The following TMEM132B variants were observed in gnomAD, a reference collection of about 807,000 sequenced individuals.
The protein encoded by TMEM132B is transmembrane protein 132B.
In TMEM132B, 18 loss-of-function variants were observed where a neutral mutation model predicts 90.8. The observed-to-expected ratio is 0.20, with a 90% CI of 0.14 to 0.29. The LOEUF is 0.29. Ranked by LOEUF, TMEM132B falls within the 10% of genes least tolerant of loss-of-function variation. TMEM132B has a pLI of 1.00. For synonymous variants in TMEM132B, 504 were observed against 523.3 expected (o/e 0.96, Z 0.50); for missense variants, 1,096 against 1,326.8 (o/e 0.83, Z 2.70).
chr12:125,613,196 T>TTA lies in TMEM132B; in HGVS notation c.1437+29212_1437+29213dup, dbSNP rs1026889018. Among the ~76,000 whole-genome samples the TTA allele has an allele frequency of 1.3e-4, 16 of 126,940 alleles. 1 individual carries two copies. The highest frequency in any genetic ancestry group is 4.6e-4 in the African/African-American group (15 of 32,894). The allele number at this position is 126,940 out of a possible 152,430, so 83.3% of individuals were successfully genotyped here. A position where few individuals can be genotyped will look rare whatever the true frequency, so the allele number is the denominator to read the frequency against. On this transcript the variant is annotated intron_variant, in intron 5 of 8. Coordinates refer to ENST00000682704, the MANE Select transcript of TMEM132B (RefSeq NM_001366854.1). ...ATATATAAATATATATCATATATAT[T>TTA]TATATATATATTATACACCCACTAT...
intron 3 of TMEM132B, among the ~76,000 whole-genome samples, chr12:125,454,221 G>A (rs1881228156): frequency 6.6e-6 from 1 of 152,138 alleles, no homozygotes; most frequent in South Asian, 2.1e-4. Context: ...CCTGGCTTCA[G>A]TCTGGCATCT....
chr12:125,318,029 G>A (rs1239361919), intron 1 of TMEM132B, among the ~76,000 whole-genome samples: 1 of 152,166 alleles, frequency 6.6e-6, no homozygotes, highest in African/African-American at 2.4e-5. Context: ...AAGTGAGTGG[G>A]TTACGGCGAT....
intron 5 of TMEM132B, among the ~76,000 whole-genome samples, chr12:125,621,323 C>T (rs918722678): frequency 6.6e-6 from 1 of 151,934 alleles, no homozygotes; most frequent in Non-Finnish European, 1.5e-5. Flanking sequence ...GCATTTCAGA[C>T]AGAGAAGAAC....
chr12:125,557,748 A>G (rs1884427023), intron 4 of TMEM132B, among the ~76,000 whole-genome samples: 1 of 152,200 alleles, frequency 6.6e-6, no homozygotes. Context: ...GAGACTGATT[A>G]GTGGTGTCAA....
At chr12:125,264,179 T>C (rs887057785) in intron 1 of TMEM132B, among the ~76,000 whole-genome samples, 4 of 152,206 alleles carry the variant, frequency 2.6e-5, no homozygotes, top group Non-Finnish European at 5.9e-5. Context: ...GCATTCAACC[T>C]GTCTCCATCG....
intron 1 of TMEM132B, among the ~76,000 whole-genome samples, chr12:125,291,339 A>G (rs1015764460): frequency 7.2e-5 from 11 of 152,208 alleles, no homozygotes; most frequent in African/African-American, 2.7e-4. Flanking sequence ...ACTTTGTTAT[A>G]GCAACCTGAA....
chr12:125,239,821 A>G (rs1181178463), intron 1 of TMEM132B, among the ~76,000 whole-genome samples: 1 of 152,300 alleles, frequency 6.6e-6, no homozygotes, highest in African/African-American at 2.4e-5. Context: ...GTTGGGGGGA[A>G]GTGGAGAGCA....
intron 1 of TMEM132B, among the ~76,000 whole-genome samples, chr12:125,221,892 C>CAA (rs1873567225): frequency 6.6e-6 from 1 of 152,144 alleles, no homozygotes; most frequent in African/African-American, 2.4e-5. Flanking sequence ...TATTTGTGGG[C>CAA]TGGAGCCCAA....
chr12:125,593,145 A>G (rs1885358819), intron 5 of TMEM132B, among the ~76,000 whole-genome samples: 2 of 152,220 alleles, frequency 1.3e-5, no homozygotes, highest in African/African-American at 4.8e-5. Flanking sequence ...GTTGTCAGGC[A>G]GTTTGGATGT....
chr12:125,237,623 A>AT (rs1448876382), intron 1 of TMEM132B, among the ~76,000 whole-genome samples: 1 of 151,788 alleles, frequency 6.6e-6, no homozygotes, highest in African/African-American at 2.4e-5. Context: ...TAATTTTTGT[A>AT]TTTTTAGTAG....
At chr12:125,268,485 G>T (rs896661793) in intron 1 of TMEM132B, among the ~76,000 whole-genome samples, 1 of 152,190 alleles carries the variant, frequency 6.6e-6, no homozygotes, top group Non-Finnish European at 1.5e-5. Flanking sequence ...TACAGCGTGA[G>T]AAAAATGAAG....
At chr12:125,493,067 T>C (rs1307015115) in intron 3 of TMEM132B, among the ~76,000 whole-genome samples, 1 of 152,128 alleles carries the variant, frequency 6.6e-6, no homozygotes, top group Non-Finnish European at 1.5e-5. Context: ...AAACCTTTGA[T>C]AATAAATAAC....
At chr12:125,303,286 T>C (rs1231733379) in intron 1 of TMEM132B, among the ~76,000 whole-genome samples, 1 of 152,214 alleles carries the variant, frequency 6.6e-6, no homozygotes, top group Non-Finnish European at 1.5e-5. Flanking sequence ...TTTAACATAA[T>C]GTTTTCCAGG....
At chr12:125,457,775 G>T (rs1321341388) in intron 3 of TMEM132B, among the ~76,000 whole-genome samples, 3 of 152,188 alleles carry the variant, frequency 2.0e-5, no homozygotes, top group African/African-American at 7.2e-5. Flanking sequence ...AGGCCTGTGG[G>T]TGTGCACATT....
rs1272475875 is a variant in TMEM132B, at chr12:125,519,513, A to G, written c.1181A>G (p.Gln394Arg). The G allele has an allele frequency of 6.2e-7, 1 of 1,614,166 alleles. No homozygotes were observed. The highest frequency in any genetic ancestry group is 1.1e-5 in the South Asian group (1 of 91,076). ...AATAGCAGTGACCTGGCTGGGGCCC[A>G]GCAGATTACCTGGCAGGTGGAGTAC... ...IDNSSDLAGAQQITWQVEYPI... is the reference protein window; with the variant it reads ...IDNSSDLAGARQITWQVEYPI... Residue 394 changes from glutamine to arginine, a missense_variant, in exon 4 of 9, where the codon CAG becomes CGG. By Grantham distance (43) the Gln-to-Arg change is conservative. Transcript: ENST00000682704.
At chr12:125,307,563 CTAT>C (rs1397808688) in intron 1 of TMEM132B, among the ~76,000 whole-genome samples, 1 of 151,654 alleles carries the variant, frequency 6.6e-6, no homozygotes, top group African/African-American at 2.4e-5. Context: ...ATAGGGTGTG[CTAT>C]TATTATTATT....
Position 125,423,550 on chromosome 12 carries a change from C to T in TMEM132B, c.1106+7873C>T, listed in dbSNP as rs67923458. ...AAAAGAAACATTTAAAAACACTCCA[C>T]TTATTTTTTCTAACCAGTGGGAAGT... On this transcript the variant is annotated intron_variant, in intron 3 of 8. Transcript: ENST00000682704. 8.4e-3 allele frequency among the ~76,000 whole-genome samples: 1,286 copies of T among 152,346 alleles called. 14 individuals are homozygous for T. The highest frequency in any genetic ancestry group is 0.013 in the Non-Finnish European group (853 of 68,032).
intron 4 of TMEM132B, among the ~76,000 whole-genome samples, chr12:125,540,316 T>G (rs2136724206): frequency 6.6e-6 from 1 of 152,344 alleles, no homozygotes; most frequent in South Asian, 2.1e-4. Context: ...TAAATGTCAG[T>G]TGGTCAAGGT....
intron 2 of TMEM132B, among the ~76,000 whole-genome samples, chr12:125,351,082 T>A (rs1256577323): frequency 2.0e-5 from 3 of 152,036 alleles, no homozygotes; most frequent in Non-Finnish European, 4.4e-5. Flanking sequence ...AGTGAGAGAT[T>A]CAAAACATTA....
Sources: gnomAD v4.1 joint callset for allele counts (sites outside exome capture counted in the v4.1 genomes callset) on GRCh38, gnomAD v4.1.1 for gene constraint, MANE v1.5 for transcripts, NCBI Gene and HGNC (gene_info 2026-07-23, HGNC 2026-07-21) for gene names.